DDX10: variants seen among roughly 807,000 people sequenced by gnomAD.
DDX10 encodes DEAD-box helicase 10.
A neutral mutation model predicts 104.3 loss-of-function variants in DDX10; 74 were observed. The observed-to-expected ratio is 0.71, with a 90% confidence interval of 0.59 to 0.86. The LOEUF (loss-of-function observed/expected upper bound fraction) is 0.86, where lower values mean the gene tolerates loss of function less well. Ranked by LOEUF, DDX10 falls within the 40% of genes least tolerant of loss-of-function variation. The probability of loss-of-function intolerance (pLI) is 0.00; values close to 1 mark genes in which losing one functional copy is unlikely to be tolerated. For synonymous variants in DDX10, 351 were observed against 353.4 expected, an observed-to-expected ratio of 0.99 and a Z score of 0.08; for missense variants, 952 against 1,040.0, an observed-to-expected ratio of 0.92 and a Z score of 1.16.
At chr11:108,695,347 A>G (rs970621284) in intron 9 of DDX10, among the ~76,000 whole-genome samples, 1 of 152,366 alleles carries the variant, frequency 6.6e-6, no homozygotes, top group African/African-American at 2.4e-5. Context: ...TATGGATTCC[A>G]GGATTGGTCT....
At chr11:108,878,136 A>G (rs565455897) in intron 16 of DDX10, among the ~76,000 whole-genome samples, 9 of 152,332 alleles carry the variant, frequency 5.9e-5, no homozygotes, top group African/African-American at 1.7e-4. Flanking sequence ...AAAGATAGGC[A>G]TATTGGATTT....
intron 13 of DDX10, among the ~76,000 whole-genome samples, chr11:108,733,507 T>C (rs1195023331): frequency 6.6e-6 from 1 of 152,178 alleles, no homozygotes; most frequent in Admixed American, 6.5e-5. Context: ...CCTTGTGTAG[T>C]GTTGTTGTCA....
intron 11 of DDX10, among the ~76,000 whole-genome samples, chr11:108,718,688 G>A (rs939986294): frequency 1.3e-5 from 2 of 152,284 alleles, no homozygotes; most frequent in African/African-American, 2.4e-5. Context: ...TGGTTGTCAC[G>A]CATGGTTTAG....
At chr11:108,868,896 A>C (rs145724544) in intron 16 of DDX10, among the ~76,000 whole-genome samples, 1 of 151,284 alleles carries the variant, frequency 6.6e-6, no homozygotes, top group Non-Finnish European at 1.5e-5. Flanking sequence ...GGAGCTTTCT[A>C]TTGAGTTTAT....
Position 108,929,906 on chromosome 11 carries a change from T to G in DDX10, c.2451-10340T>G, listed in dbSNP as rs1405794957. ...GTAAACATGGAGTGAAAAATATAGT[T>G]TTCATATTTCTCTTCACTACCTCTC... is the stretch of plus-strand genomic sequence containing the variant. On this transcript the variant is annotated intron_variant, in intron 17 of 17. Transcript: ENST00000322536. 2.0e-5 allele frequency among the ~76,000 whole-genome samples: 3 copies of G among 152,160 alleles called. No individual in the cohort carries two copies. The South Asian group carries it at 6.2e-4, about 32-fold the overall frequency.
At chr11:108,901,815 T>C (rs1863520127) in intron 16 of DDX10, among the ~76,000 whole-genome samples, 1 of 152,162 alleles carries the variant, frequency 6.6e-6, no homozygotes, top group Admixed American at 6.5e-5. Context: ...TATCTAGGGA[T>C]TTTGATATCT....
chr11:108,923,528 C>T lies in DDX10; in HGVS notation c.2450+5510C>T, dbSNP rs544181181. Among the ~76,000 whole-genome samples, 10 of 152,292 alleles carry T rather than the reference C, an allele frequency of 6.6e-5. No homozygotes were observed. The South Asian group carries it at 2.1e-3, about 32-fold the overall frequency. On this transcript the variant is annotated intron_variant, in intron 17 of 17. Transcript: ENST00000322536. ...TCTGGATTATAACATTTCTTCCATCCATTCTTTCAACTAAAAATGTTTTAG... is the reference window on the plus strand; with the variant it reads ...TCTGGATTATAACATTTCTTCCATCTATTCTTTCAACTAAAAATGTTTTAG...
At chr11:108,665,989 A>T (rs770175612) in intron 1 of DDX10, among the ~76,000 whole-genome samples, 3 of 152,072 alleles carry the variant, frequency 2.0e-5, no homozygotes, top group Non-Finnish European at 4.4e-5. Context: ...TCATCCCCAC[A>T]TTGTAGCTGG....
At chr11:108,818,313 G>A (rs771322115) in intron 13 of DDX10, among the ~76,000 whole-genome samples, 2 of 152,190 alleles carry the variant, frequency 1.3e-5, no homozygotes, top group African/African-American at 4.8e-5. Flanking sequence ...GTGTGCTTTT[G>A]TCAAATGAGG....
intron 12 of DDX10, among the ~76,000 whole-genome samples, chr11:108,721,384 G>A (rs2094298178): frequency 6.6e-6 from 1 of 152,068 alleles, no homozygotes; most frequent in African/African-American, 2.4e-5. Context: ...ATGATCCATG[G>A]CTTAGGTTAT....
intron 12 of DDX10, among the ~76,000 whole-genome samples, chr11:108,722,573 A>C (rs926743307): frequency 6.6e-6 from 1 of 152,142 alleles, no homozygotes; most frequent in Non-Finnish European, 1.5e-5. Context: ...TTTATTTAGT[A>C]CTTAACATTT....
intron 16 of DDX10, among the ~76,000 whole-genome samples, chr11:108,891,393 C>CAT (rs1863374275): frequency 6.6e-6 from 1 of 152,112 alleles, no homozygotes; most frequent in Non-Finnish European, 1.5e-5. Context: ...CCAATGAAAT[C>CAT]ATGATTGGCT....
At chr11:108,790,318 TAACCCAATG>T (rs2134547461) in intron 13 of DDX10, among the ~76,000 whole-genome samples, 1 of 152,322 alleles carries the variant, frequency 6.6e-6, no homozygotes, top group Non-Finnish European at 1.5e-5. Flanking sequence ...GCAGTTTTAT[TAACCCAATG>T]AACTACAAAG....
intron 6 of DDX10, among the ~76,000 whole-genome samples, chr11:108,681,878 CATT>C (rs2094235745): frequency 6.6e-6 from 1 of 152,074 alleles, no homozygotes; most frequent in African/African-American, 2.4e-5. Context: ...CAATTTGAAA[CATT>C]AATCATTATG....
At chr11:108,936,363 C>T (rs550478586) in intron 17 of DDX10, among the ~76,000 whole-genome samples, 3 of 152,082 alleles carry the variant, frequency 2.0e-5, no homozygotes, top group East Asian at 1.9e-4. Flanking sequence ...AGTAGTAGGG[C>T]GTACCTACTC....
intron 16 of DDX10, among the ~76,000 whole-genome samples, chr11:108,899,685 A>C (rs896493149): frequency 2.6e-5 from 4 of 152,020 alleles, no homozygotes; most frequent in African/African-American, 7.2e-5. Flanking sequence ...ACCACATCTC[A>C]TATTGAATTG....
chr11:108,813,036 T>A (rs1862206190), intron 13 of DDX10, among the ~76,000 whole-genome samples: 1 of 149,204 alleles, frequency 6.7e-6, no homozygotes, highest in Non-Finnish European at 1.5e-5. Flanking sequence ...ACCAAGTTGT[T>A]CCTAAATTGG....
intron 13 of DDX10, among the ~76,000 whole-genome samples, chr11:108,741,021 T>C (rs2094324551): frequency 6.6e-6 from 1 of 152,216 alleles, no homozygotes; most frequent in South Asian, 2.1e-4. Context: ...CTTTTGCATA[T>C]GGCTAGCCAG....
At chr11:108,768,568 C>G (rs557526487) in intron 13 of DDX10, among the ~76,000 whole-genome samples, 3 of 152,186 alleles carry the variant, frequency 2.0e-5, no homozygotes, top group African/African-American at 7.2e-5. Flanking sequence ...ATTTGTCTTG[C>G]GGCCTGGTTA....
Sources: gnomAD v4.1 joint callset for allele counts (sites outside exome capture counted in the v4.1 genomes callset) on GRCh38, gnomAD v4.1.1 for gene constraint, MANE v1.5 for transcripts, NCBI Gene and HGNC (gene_info 2026-07-23, HGNC 2026-07-21) for gene names.